CDH12: variants seen among roughly 807,000 people sequenced by gnomAD.
CDH12 encodes the protein cadherin-12.
CDH12 carries 41 observed loss-of-function variants against 74.1 expected under a neutral mutation model. The observed-to-expected ratio is 0.55, with a 90% CI of 0.43 to 0.72. The LOEUF (loss-of-function observed/expected upper bound fraction) is 0.72, where lower values mean the gene tolerates loss of function less well. Ranked by LOEUF, CDH12 falls within the 30% of genes least tolerant of loss-of-function variation. CDH12 has a pLI of 0.00. For missense variants in CDH12, 945 were observed against 977.2 expected (o/e 0.97, Z 0.44); for synonymous variants, 399 against 355.0 (o/e 1.12, Z -1.39).
intron 1 of CDH12, among the ~76,000 whole-genome samples, chr5:22,615,833 G>T (rs2126832719): frequency 6.6e-6 from 1 of 152,190 alleles, no homozygotes; most frequent in Middle Eastern, 3.4e-3. Flanking sequence ...ATGGTGAATG[G>T]CAGGGTTGGG....
intron 6 of CDH12, among the ~76,000 whole-genome samples, chr5:21,893,933 G>A (rs1397084808): frequency 6.6e-6 from 1 of 152,114 alleles, no homozygotes; most frequent in Non-Finnish European, 1.5e-5. Context: ...AAAGGTATTT[G>A]AGTTTTTTAT....
intron 4 of CDH12, among the ~76,000 whole-genome samples, chr5:22,202,437 G>C (rs1214295205): frequency 6.6e-6 from 1 of 152,066 alleles, no homozygotes; most frequent in African/African-American, 2.4e-5. Context: ...TAATATTAGC[G>C]ACAACAAGCT....
intron 1 of CDH12, among the ~76,000 whole-genome samples, chr5:22,728,081 T>A (rs1744251546): frequency 6.6e-6 from 1 of 151,898 alleles, no homozygotes; most frequent in Admixed American, 6.6e-5. Flanking sequence ...TTATCTCTTC[T>A]AATATTACTG....
intron 3 of CDH12, among the ~76,000 whole-genome samples, chr5:22,301,996 CAT>C (rs1188581759): frequency 7.6e-6 from 1 of 131,102 alleles, no homozygotes; most frequent in Non-Finnish European, 1.7e-5. Context: ...CATATAGGTA[CAT>C]ATATATATAT....
chr5:22,236,751 TAAAAC>T (rs1200423580), intron 3 of CDH12, among the ~76,000 whole-genome samples: 2 of 151,924 alleles, frequency 1.3e-5, no homozygotes, highest in Non-Finnish European at 2.9e-5. Context: ...GTCTCAAAAA[TAAAAC>T]AAAACAAAAA....
intron 1 of CDH12, among the ~76,000 whole-genome samples, chr5:22,800,058 A>G (rs991973235): frequency 3.9e-5 from 6 of 152,202 alleles, no homozygotes; most frequent in African/African-American, 1.4e-4. Context: ...GTCTGGGGAA[A>G]ATGGTTTAGT....
chr5:22,146,929 A>G (rs1421276917), intron 4 of CDH12, among the ~76,000 whole-genome samples: 1 of 151,546 alleles, frequency 6.6e-6, no homozygotes, highest in Non-Finnish European at 1.5e-5. Flanking sequence ...CACATGAAAT[A>G]GGATCAGCTT....
At chr5:22,758,115 C>A (rs73068160) in intron 1 of CDH12, among the ~76,000 whole-genome samples, 3 of 152,114 alleles carry the variant, frequency 2.0e-5, no homozygotes, top group Non-Finnish European at 4.4e-5. Flanking sequence ...ATAGTGCAGG[C>A]GGCCGATACC....
intron 3 of CDH12, among the ~76,000 whole-genome samples, chr5:22,314,272 C>T (rs1484635608): frequency 6.6e-6 from 1 of 152,116 alleles, no homozygotes; most frequent in Non-Finnish European, 1.5e-5. Flanking sequence ...CCGTCAAATT[C>T]ATACATCAAA....
intron 5 of CDH12, among the ~76,000 whole-genome samples, chr5:22,027,776 C>T (rs1452184733): frequency 6.6e-6 from 1 of 151,482 alleles, no homozygotes; most frequent in Non-Finnish European, 1.5e-5. Flanking sequence ...CTCCTGGATT[C>T]GTTAATTTTT....
At chr5:22,308,682 C>T (rs186702800) in intron 3 of CDH12, among the ~76,000 whole-genome samples, 7 of 152,170 alleles carry the variant, frequency 4.6e-5, no homozygotes, top group Admixed American at 3.9e-4. Flanking sequence ...ATTTGCAGAT[C>T]CTTAACTTGA....
chr5:21,768,847 T>C (rs1323749796), intron 11 of CDH12, among the ~76,000 whole-genome samples: 1 of 152,048 alleles, frequency 6.6e-6, no homozygotes, highest in Non-Finnish European at 1.5e-5. Flanking sequence ...CTGACTATTG[T>C]TTCTTATAAA....
chr5:21,922,097 C>T (rs576443853), intron 6 of CDH12, among the ~76,000 whole-genome samples: 1 of 152,198 alleles, frequency 6.6e-6, no homozygotes, highest in South Asian at 2.1e-4. Context: ...CCCTGAGTAA[C>T]CACTGATTTA....
At chr5:22,824,239 T>C (rs1259542513) in intron 1 of CDH12, among the ~76,000 whole-genome samples, 23 of 152,132 alleles carry the variant, frequency 1.5e-4, no homozygotes, top group Admixed American at 1.4e-3. Context: ...CAAAGATATT[T>C]TCAAGCACAC....
chr5:22,170,693 A>G (rs1416403150), intron 4 of CDH12, among the ~76,000 whole-genome samples: 1 of 151,824 alleles, frequency 6.6e-6, no homozygotes, highest in Non-Finnish European at 1.5e-5. Flanking sequence ...ATGTCAAAGT[A>G]ATATGTCTCA....
At chr5:22,141,350 C>T (rs771832368) in intron 4 of CDH12, 6 of 152,282 alleles carry the variant, frequency 3.9e-5, no homozygotes, top group African/African-American at 1.2e-4. Context: ...AAGTTAGTCT[C>T]GTGAGAGAGG....
chr5:21,794,064 T>C (rs1746646129), intron 10 of CDH12, among the ~76,000 whole-genome samples: 1 of 151,526 alleles, frequency 6.6e-6, no homozygotes, highest in Non-Finnish European at 1.5e-5. Context: ...ATATAGCATG[T>C]ATATGTATGT....
chr5:21,880,055 C>T (rs80208812), intron 6 of CDH12, among the ~76,000 whole-genome samples: 3,129 of 152,280 alleles, frequency 0.021, 73 homozygotes, highest in African/African-American at 0.058. Flanking sequence ...CAAAAGTCCA[C>T]CTGGCAATCT....
At chr5:22,777,436 T>G (rs559765251) in intron 1 of CDH12, among the ~76,000 whole-genome samples, 43 of 152,272 alleles carry the variant, frequency 2.8e-4, no homozygotes, top group African/African-American at 1.0e-3. Context: ...AATTCTAATT[T>G]TGGGTCTGGA....
Sources: allele counts gnomAD v4.1 joint callset (sites outside exome capture counted in the v4.1 genomes callset), GRCh38; gene constraint gnomAD v4.1.1; transcripts MANE v1.5; gene names NCBI Gene and HGNC (gene_info 2026-07-23, HGNC 2026-07-21).